WDFY4: variants seen among roughly 807,000 people sequenced by gnomAD.
WDFY4 encodes WD repeat- and FYVE domain-containing protein 4.
Under a neutral mutation model 351.9 loss-of-function variants are expected in WDFY4, and 169 were observed. The ratio of observed to expected loss-of-function variants is 0.48; its 90% CI spans 0.42 to 0.55. The LOEUF is 0.55. WDFY4 is among the 20% of genes least tolerant of loss of function. WDFY4 has a pLI of 0.00. For missense variants in WDFY4, 3,803 were observed against 3,935.6 expected, an observed-to-expected ratio of 0.97 and a Z score of 0.90; for synonymous variants, 1,622 against 1,574.6, an observed-to-expected ratio of 1.03 and a Z score of -0.71.
chr10:48,752,035 C>T (rs1056143341), intron 12 of WDFY4, among the ~76,000 whole-genome samples: 1 of 152,168 alleles, frequency 6.6e-6, no homozygotes, highest in Non-Finnish European at 1.5e-5. Flanking sequence ...AACTTTCTGT[C>T]GTACCCACAG....
intron 4 of WDFY4, among the ~76,000 whole-genome samples, chr10:48,721,815 G>C (rs566224330): frequency 6.6e-6 from 1 of 152,140 alleles, no homozygotes; most frequent in South Asian, 2.1e-4. Context: ...GCTTACCTAC[G>C]CTGTGCACCT....
intron 54 of WDFY4, 81 bp downstream of exon 54, chr10:48,964,135 G>T: frequency 3.5e-6 from 5 of 1,447,584 alleles, no homozygotes; most frequent in Non-Finnish European, 4.7e-6. Flanking sequence ...GGGTGAAAGT[G>T]AAGGAGATGG....
At chr10:48,979,463 G>A (rs2062011808) in intron 60 of WDFY4, among the ~76,000 whole-genome samples, 1 of 152,202 alleles carries the variant, frequency 6.6e-6, no homozygotes, top group East Asian at 1.9e-4. Flanking sequence ...CACTTTTGAA[G>A]CTATTGGGGC....
intron 31 of WDFY4, among the ~76,000 whole-genome samples, chr10:48,814,601 G>C (rs1356130741): frequency 6.6e-6 from 1 of 152,204 alleles, no homozygotes; most frequent in Non-Finnish European, 1.5e-5. Context: ...CTTGTGAACA[G>C]GAATAATTAA....
intron 47 of WDFY4, chr10:48,914,048 C>G: frequency 6.2e-7 from 1 of 1,614,232 alleles, no homozygotes; most frequent in Non-Finnish European, 8.5e-7. Flanking sequence ...TAATTCCCAT[C>G]TTGCTCAAGT....
Position 48,957,403 on chromosome 10 carries a change from G to T in WDFY4, c.8131+121G>T, listed in dbSNP as rs200212552. On this transcript the variant is annotated intron_variant, in intron 52 of 61. Coordinates refer to ENST00000325239, the MANE Select transcript of WDFY4 (RefSeq NM_001394531.1). Reference sequence around the variant, plus strand: ...AGGCCCTCCCCAGGACCTCAACTTCGGGTGAGGTCTCCACTGGGCAGCAGT... The same window carrying T: ...AGGCCCTCCCCAGGACCTCAACTTCTGGTGAGGTCTCCACTGGGCAGCAGT... The T allele has an allele frequency of 1.1e-5, 14 of 1,263,110 alleles. No individual in the cohort carries two copies. In the East Asian group the frequency reaches 3.6e-4, roughly 32 times the overall value. 78.2% of individuals were successfully genotyped at this position (1,263,110 alleles called of 1,614,324 possible). A position where few individuals can be genotyped will look rare whatever the true frequency, so the allele number is the denominator to read the frequency against.
rs546799780 is a variant in WDFY4 at position 48,722,540 on chromosome 10, A to G, written c.457-893A>G. Among the ~76,000 whole-genome samples the G allele has an allele frequency of 2.6e-5, 4 of 152,266 alleles. No individual in the cohort carries two copies. In the East Asian group the frequency reaches 7.7e-4, roughly 29 times the overall value. On this transcript the variant is annotated intron_variant, in intron 4 of 61. Coordinates refer to ENST00000325239, the MANE Select transcript of WDFY4 (RefSeq NM_001394531.1). Reference sequence around the variant, plus strand: ...GTCCTGATCCTGGCCCAGACTGTACATTCGTCCTTCTCTTTCTCTGACTTC... The same window carrying G: ...GTCCTGATCCTGGCCCAGACTGTACGTTCGTCCTTCTCTTTCTCTGACTTC...
chr10:48,846,857 C>T (rs1001439769), intron 39 of WDFY4, among the ~76,000 whole-genome samples: 1 of 152,170 alleles, frequency 6.6e-6, no homozygotes, highest in Non-Finnish European at 1.5e-5. Flanking sequence ...ACTCTGAAGT[C>T]GCAGCAATGG....
chr10:48,854,624 T>C (rs1452634979), intron 39 of WDFY4, among the ~76,000 whole-genome samples: 1 of 152,234 alleles, frequency 6.6e-6, no homozygotes, highest in Non-Finnish European at 1.5e-5. Context: ...ATCTCTCCTG[T>C]AATGTGACTA....
At chr10:48,872,877 A>G (rs538560347) in intron 40 of WDFY4, among the ~76,000 whole-genome samples, 1 of 152,338 alleles carries the variant, frequency 6.6e-6, no homozygotes, top group African/African-American at 2.4e-5. Flanking sequence ...GAATCTCTGA[A>G]CATTCTGGAA....
chr10:48,875,095 C>T lies in WDFY4; in HGVS notation c.6955C>T (p.Gln2319Ter). ...ALSSGRHKESQDKNDHISQTN... is the reference protein window; with the variant it reads ...ALSSGRHKES ...TTCAATGTCCTTATTTCAGGAAAGC[C>T]AAGACAAAAATGATCATATTTCTCA... Residue 2319 changes from glutamine (Q) to a stop codon, truncating the protein, a stop_gained, in exon 42 of 62, where the codon CAA (glutamine) becomes TAA (stop). Transcript: ENST00000325239. LOFTEE classifies it high-confidence loss of function. 1 of 1,484,720 alleles carries T rather than the reference C, an allele frequency of 6.7e-7. No individual in the cohort carries two copies. Among genetic ancestry groups the T allele is most frequent in the Non-Finnish European group, 9.0e-7 (1 of 1,115,244 alleles). 92.0% of individuals were successfully genotyped at this position (1,484,720 alleles called of 1,614,324 possible).
chr10:48,832,849 T>G, intron 39 of WDFY4, 140 bp downstream of exon 39: 4 of 1,165,634 alleles, frequency 3.4e-6, no homozygotes, highest in Non-Finnish European at 4.6e-6. Flanking sequence ...TGCATGTAGC[T>G]CCCCAGTGGA....
chr10:48,721,126 T>C, intron 3 of WDFY4, 135 bp from the exon 4 acceptor site: 1 of 767,938 alleles, frequency 1.3e-6, no homozygotes, highest in Non-Finnish European at 2.2e-6. Context: ...GCAGGTGGCC[T>C]TGGGGATGTG....
chr10:48,943,027 A>G (rs1344474917), intron 48 of WDFY4, among the ~76,000 whole-genome samples: 5 of 152,188 alleles, frequency 3.3e-5, no homozygotes, highest in South Asian at 4.2e-4. Context: ...ATTTTAGTCA[A>G]CTTCTGAGAA....
intron 13 of WDFY4, among the ~76,000 whole-genome samples, chr10:48,764,035 G>T (rs985620952): frequency 6.6e-6 from 1 of 152,202 alleles, no homozygotes. Context: ...AAGATGGAAA[G>T]TATGTTTCCT....
intron 3 of WDFY4, among the ~76,000 whole-genome samples, chr10:48,721,027 C>T (rs1169557750): frequency 2.0e-5 from 3 of 152,182 alleles, no homozygotes; most frequent in Non-Finnish European, 2.9e-5. Context: ...TCAGGAACCA[C>T]TGATGGTTGC....
chr10:48,963,181 A>G (rs894197021), intron 53 of WDFY4, among the ~76,000 whole-genome samples: 2 of 152,238 alleles, frequency 1.3e-5, no homozygotes, highest in African/African-American at 2.4e-5. Context: ...GGCGGTGTTC[A>G]TGGGAGGAAA....
At chr10:48,941,210 C>T (rs975580770) in intron 47 of WDFY4, among the ~76,000 whole-genome samples, 10 of 152,176 alleles carry the variant, frequency 6.6e-5, no homozygotes, top group African/African-American at 2.4e-4. Context: ...AGGGCTGCTG[C>T]AGCACAAGGG....
chr10:48,805,258 A>C lies in WDFY4; in HGVS notation c.4485-2A>C. 1 of 1,542,468 alleles carries C rather than the reference A, an allele frequency of 6.5e-7. No individual in the cohort carries two copies. Among genetic ancestry groups the C allele is most frequent in the South Asian group, 1.2e-5 (1 of 84,048 alleles). On this transcript the variant is annotated splice_acceptor_variant, in intron 25 of 61. Coordinates refer to ENST00000325239, the MANE Select transcript of WDFY4 (RefSeq NM_001394531.1). LOFTEE classifies it high-confidence loss of function. ...TTACTGTCTCTCTCCTGTACTCACC[A>C]GGGAAGGACCCAGGAATGCTGAAGC...
Sources: gnomAD v4.1 joint callset for allele counts (sites outside exome capture counted in the v4.1 genomes callset) on GRCh38, gnomAD v4.1.1 for gene constraint, MANE v1.5 for transcripts, NCBI Gene and HGNC (gene_info 2026-07-23, HGNC 2026-07-21) for gene names.